Variants in ARHGEF11 observed in about 807,000 individuals in gnomAD.
ARHGEF11 encodes the protein Rho guanine exchange factor (GEF) 11.
A neutral mutation model predicts 193.7 loss-of-function variants in ARHGEF11; 55 were observed. That is an observed-to-expected ratio of 0.28 (90% CI 0.23 to 0.36). The LOEUF (loss-of-function observed/expected upper bound fraction) is 0.36, where lower values mean the gene tolerates loss of function less well. ARHGEF11 is among the 10% of genes least tolerant of loss of function. The pLI, the probability that ARHGEF11 is intolerant of heterozygous loss-of-function variation, is 1.00. For missense variants in ARHGEF11, 1,723 were observed against 2,005.6 expected (o/e 0.86, Z 2.69); for synonymous variants, 693 against 768.0 (o/e 0.90, Z 1.62).
At chr1:157,002,518 C>T (rs1033364168) in intron 1 of ARHGEF11, among the ~76,000 whole-genome samples, 1 of 152,154 alleles carries the variant, frequency 6.6e-6, no homozygotes, top group Non-Finnish European at 1.5e-5. Flanking sequence ...GTCCAACTTA[C>T]CCAATGATCC....
At position 156,935,839 on chromosome 1, in the gene ARHGEF11, A is replaced by T. The variant is rs931240998; in HGVS notation, c.*161T>A. 15 of 773,312 alleles carry T rather than the reference A, an allele frequency of 1.9e-5. No homozygotes were observed. The highest frequency in any genetic ancestry group is 3.1e-5 in the Non-Finnish European group (15 of 487,054). 47.9% of individuals were successfully genotyped at this position (773,312 alleles called of 1,614,324 possible). On this transcript the variant is annotated 3_prime_UTR_variant, in exon 41 of 41. Transcript: ENST00000368194. The stretch of plus-strand genomic sequence containing the variant: ...ACCTGACTCCGACTTGAGCAGACCA[A>T]GCAACATGCGGGTCTCCCCCCGGGC...
chr1:156,985,346 C>A (rs1335160304), intron 2 of ARHGEF11, among the ~76,000 whole-genome samples: 1 of 152,178 alleles, frequency 6.6e-6, no homozygotes, highest in Non-Finnish European at 1.5e-5. Context: ...TAGTATACAT[C>A]ATGTGCTTAA....
intron 1 of ARHGEF11, among the ~76,000 whole-genome samples, chr1:157,036,054 GGAATATATATATGAATCTATAT>G (rs969101681): frequency 7.5e-6 from 1 of 132,664 alleles, no homozygotes; most frequent in African/African-American, 2.8e-5. Context: ...AATCTATATA[GGAATATATATATGAATCTATAT>G]GAATATATAT....
chr1:156,960,131 A>G (rs1453543963), intron 15 of ARHGEF11, among the ~76,000 whole-genome samples: 2 of 152,032 alleles, frequency 1.3e-5, no homozygotes, highest in Non-Finnish European at 2.9e-5. Flanking sequence ...GAGGTCATGT[A>G]GAAGGCTGGC....
At position 156,978,208 on chromosome 1, in the gene ARHGEF11, A is replaced by G. The variant is rs749728578; in HGVS notation, c.506T>C (p.Leu169Pro). The G allele has an allele frequency of 3.7e-6, 6 of 1,614,058 alleles. No homozygotes were observed. The highest frequency in any genetic ancestry group is 3.3e-5 in the Admixed American group (2 of 60,002). ...GAAAGCCAGGAGGATTATTACCTGCAGAGGTTTGGGTCCTGTGATGCGTTG... is the reference window on the plus strand; with the variant it reads ...GAAAGCCAGGAGGATTATTACCTGCGGAGGTTTGGGTCCTGTGATGCGTTG... ...PPQRITGPKP[L>P]QDPEVQKHAT... The change falls in exon 6 of 41, where the codon CTG becomes CCG. Residue 169 changes from leucine (L) to proline (P), a missense_variant. Leu to Pro is a moderately conservative substitution (Grantham distance 98). This residue lies in a region of ARHGEF11 where 646 missense variants were observed against 710.7 expected (regional missense o/e 0.91). Coordinates refer to ENST00000368194, the MANE Select transcript of ARHGEF11 (RefSeq NM_198236.3).
At chr1:157,037,925 T>C (rs1672247087) in intron 1 of ARHGEF11, among the ~76,000 whole-genome samples, 1 of 139,484 alleles carries the variant, frequency 7.2e-6, no homozygotes, top group South Asian at 2.3e-4. Context: ...CCCAACTACT[T>C]GGGAGGCTGA....
chr1:156,936,489 A>AAAAT lies in ARHGEF11; in HGVS notation c.4630+326_4630+327insATTT, dbSNP rs1553192680. Reference sequence around the variant, plus strand: ...TTGTCTCAAATAAATAGAAAAAAAAAAAAAAAAAATATATATATATATATA... The same window carrying AAAAT: ...TTGTCTCAAATAAATAGAAAAAAAAAAAATAAAAAAAAATATATATATATATATA... On this transcript the variant is annotated intron_variant, in intron 40 of 40. Coordinates refer to ENST00000368194, the MANE Select transcript of ARHGEF11 (RefSeq NM_198236.3). 1.0e-4 allele frequency among the ~76,000 whole-genome samples: 8 copies of AAAAT among 77,152 alleles called. 1 individual carries two copies. Among genetic ancestry groups the AAAAT allele is most frequent in the African/African-American group, 4.7e-4 (8 of 17,128 alleles). The allele number at this position is 77,152 out of a possible 152,430, so 50.6% of individuals were successfully genotyped here.
At position 156,937,512 on chromosome 1, in the gene ARHGEF11, G is replaced by A. The variant is rs1655719153; in HGVS notation, c.4193-16C>T. ...AAGCAGTTCCCTGTCCCCACAGTAA[G>A]AGAATGAGATCAGGAGGCAAACAGA... On this transcript the variant is annotated splice_polypyrimidine_tract_variant and intron_variant, in intron 38 of 40. Transcript: ENST00000368194. 2.0e-6 allele frequency: 3 copies of A among 1,513,120 alleles called. No homozygotes were observed. The highest frequency in any genetic ancestry group is 1.4e-5 in the African/African-American group (1 of 71,230). 93.7% of individuals were successfully genotyped at this position (1,513,120 alleles called of 1,614,324 possible).
chr1:156,963,325 C>T (rs776800708), intron 12 of ARHGEF11, 21 bp from the exon 13 acceptor site: 2 of 1,606,732 alleles, frequency 1.2e-6, no homozygotes, highest in East Asian at 4.5e-5. Context: ...GAAGGATGAG[C>T]ATGGTGGGAA....
intron 1 of ARHGEF11, among the ~76,000 whole-genome samples, chr1:157,017,141 A>G (rs1347129030): frequency 3.3e-5 from 5 of 152,212 alleles, no homozygotes; most frequent in South Asian, 2.1e-4. Flanking sequence ...GAACTTCCCC[A>G]GATAGCTCAG....
chr1:156,996,772 CA>C (rs66730438), intron 1 of ARHGEF11, among the ~76,000 whole-genome samples: 661 of 38,604 alleles, frequency 0.017, 4 homozygotes, highest in African/African-American at 0.045. Context: ...GACTCTGTCT[CA>C]AAAAAAAAAA....
At chr1:156,974,491 T>A (rs1662984134) in intron 7 of ARHGEF11, among the ~76,000 whole-genome samples, 1 of 152,224 alleles carries the variant, frequency 6.6e-6, no homozygotes, top group African/African-American at 2.4e-5. Flanking sequence ...GCATTAAAAT[T>A]TTTTTAAATT....
chr1:157,043,752 T>A (rs1166254302), intron 1 of ARHGEF11, among the ~76,000 whole-genome samples: 1 of 152,162 alleles, frequency 6.6e-6, no homozygotes, highest in African/African-American at 2.4e-5. Context: ...CTGGTAAAAA[T>A]CCAGACTTGC....
At chr1:156,936,497 A>AAAAAAAAAAAT (rs370282821) in intron 40 of ARHGEF11, among the ~76,000 whole-genome samples, 11 of 33,938 alleles carry the variant, frequency 3.2e-4, no homozygotes, top group African/African-American at 7.7e-4. Context: ...AAAAAAAAAA[A>AAAAAAAAAAAT]ATATATATAT....
In ARHGEF11 at chr1:156,968,567, T is replaced by C. The variant is rs1662050217; in HGVS notation, c.826-443A>G. ...TCCCACATACCGATCCTTTCACATA[T>C]ATTTCACCATTTTCCCATGGACAGG... On this transcript the variant is annotated intron_variant, in intron 10 of 40. Transcript: ENST00000368194. Among the ~76,000 whole-genome samples the C allele has an allele frequency of 1.3e-5, 2 of 152,236 alleles. 1 individual carries two copies. Among genetic ancestry groups the C allele is most frequent in the Admixed American group, 1.3e-4 (2 of 15,292 alleles).
chr1:157,018,077 A>T (rs1364008644), intron 1 of ARHGEF11, among the ~76,000 whole-genome samples: 4 of 152,210 alleles, frequency 2.6e-5, no homozygotes, highest in Non-Finnish European at 4.4e-5. Flanking sequence ...ATAATTAAAT[A>T]CTACCAGTTA....
chr1:157,036,786 G>A (rs2103059459), intron 1 of ARHGEF11, among the ~76,000 whole-genome samples: 1 of 152,228 alleles, frequency 6.6e-6, no homozygotes, highest in East Asian at 1.9e-4. Flanking sequence ...TCTATCAATA[G>A]CACTACCCTT....
intron 4 of ARHGEF11, 75 bp from the exon 5 acceptor site, chr1:156,979,361 C>CTTTTTTTT (rs36031299): frequency 4.9e-5 from 25 of 507,224 alleles, no homozygotes; most frequent in Middle Eastern, 5.8e-4. Context: ...CAAAATGCCA[C>CTTTTTTTT]TTTTTTTTTT....
chr1:156,945,281 A>G, intron 29 of ARHGEF11, 84 bp from the exon 30 acceptor site: 1 of 1,472,252 alleles, frequency 6.8e-7, no homozygotes, highest in South Asian at 1.3e-5. Context: ...CTATTCATCC[A>G]TGGCAGCTGG....
Sources: gnomAD v4.1 joint callset for allele counts (sites outside exome capture counted in the v4.1 genomes callset) on GRCh38, gnomAD v4.1.1 for gene constraint, gnomAD v4.1.1 regional missense constraint, MANE v1.5 for transcripts, NCBI Gene and HGNC (gene_info 2026-07-23, HGNC 2026-07-21) for gene names.